Variants in ARHGEF12 observed in about 807,000 individuals in gnomAD.
ARHGEF12 encodes Rho guanine nucleotide exchange factor 12.
Under a neutral mutation model 211.2 loss-of-function variants are expected in ARHGEF12, and 66 were observed. That is an observed-to-expected ratio of 0.31 (90% CI 0.26 to 0.38). The LOEUF is 0.38. Ranked by LOEUF, ARHGEF12 falls within the 10% of genes least tolerant of loss-of-function variation. The pLI is 1.00. For missense variants in ARHGEF12, 1,429 were observed against 1,869.5 expected (o/e 0.76, Z 4.34); for synonymous variants, 592 against 638.4 (o/e 0.93, Z 1.09).
intron 23 of ARHGEF12, chr11:120,457,516 A>C (rs1189543071): frequency 3.8e-5 from 17 of 446,968 alleles, no homozygotes; most frequent in Non-Finnish European, 5.7e-5. Flanking sequence ...TGCATAAAAG[A>C]ACTAAAACAC....
intron 1 of ARHGEF12, among the ~76,000 whole-genome samples, chr11:120,360,502 C>T (rs1437442665): frequency 6.6e-6 from 1 of 152,166 alleles, no homozygotes. Context: ...TAGTGATCCT[C>T]CCACCTCAGC....
At chr11:120,390,736 G>T (rs1944187231) in intron 1 of ARHGEF12, among the ~76,000 whole-genome samples, 1 of 152,102 alleles carries the variant, frequency 6.6e-6, no homozygotes, top group Admixed American at 6.5e-5. Flanking sequence ...AGATGATAAT[G>T]GTTTCTCTTG....
At chr11:120,349,491 A>T (rs1942869467) in intron 1 of ARHGEF12, among the ~76,000 whole-genome samples, 1 of 152,010 alleles carries the variant, frequency 6.6e-6, no homozygotes, top group African/African-American at 2.4e-5. Context: ...TAGCCCTTGT[A>T]AGAGAGGAGC....
intron 1 of ARHGEF12, among the ~76,000 whole-genome samples, chr11:120,403,439 G>A (rs1283475620): frequency 6.6e-6 from 1 of 151,940 alleles, no homozygotes; most frequent in South Asian, 2.1e-4. Flanking sequence ...CCCGGGAGGT[G>A]GAGGTTACAG....
chr11:120,443,219 C>T (rs1039092399), intron 15 of ARHGEF12, among the ~76,000 whole-genome samples: 1 of 151,828 alleles, frequency 6.6e-6, no homozygotes, highest in Non-Finnish European at 1.5e-5. Flanking sequence ...GGGGTTTCGC[C>T]ATGTTGCCCA....
At chr11:120,340,683 T>C (rs1942507856) in intron 1 of ARHGEF12, among the ~76,000 whole-genome samples, 3 of 152,224 alleles carry the variant, frequency 2.0e-5, no homozygotes, top group Admixed American at 2.0e-4. Flanking sequence ...GGTGAAATTA[T>C]TTGTAACCTT....
intron 37 of ARHGEF12, among the ~76,000 whole-genome samples, chr11:120,479,191 A>T (rs76844672): frequency 2.0e-5 from 3 of 152,226 alleles, no homozygotes; most frequent in Non-Finnish European, 4.4e-5. Context: ...CATCAGAGCC[A>T]TGAGACTTCC....
chr11:120,451,252 C>T (rs1946203484), intron 21 of ARHGEF12: 1 of 309,770 alleles, frequency 3.2e-6, no homozygotes. Flanking sequence ...AATTTCGGCT[C>T]ACTGCAACCT....
intron 31 of ARHGEF12, 132 bp downstream of exon 31, chr11:120,473,259 A>T: frequency 1.3e-6 from 1 of 786,100 alleles, no homozygotes; most frequent in Non-Finnish European, 2.0e-6. Context: ...TGTATTTATG[A>T]TTTTTTTTGC....
rs547671518 is a variant in ARHGEF12 at position 120,428,404 on chromosome 11, G to A, written c.585+157G>A. The stretch of plus-strand genomic sequence containing the variant: ...AAAAATTACATAATAGGAATGATTA[G>A]AATATTGTCATAGCAGATTTAATTT... On this transcript the variant is annotated intron_variant, in intron 8 of 40. Coordinates refer to ENST00000397843, the MANE Select transcript of ARHGEF12 (RefSeq NM_015313.3). Among the ~76,000 whole-genome samples, 3 of 152,270 alleles carry A rather than the reference G, an allele frequency of 2.0e-5. No homozygotes were observed. The South Asian group carries it at 6.2e-4, about 32-fold the overall frequency.
At chr11:120,477,385 T>TA (rs1237515395) in intron 35 of ARHGEF12, 62 bp from the exon 36 acceptor site, 1 of 1,597,432 alleles carries the variant, frequency 6.3e-7, no homozygotes, top group Non-Finnish European at 8.6e-7. Context: ...TATGTTTTGT[T>TA]GCGATGATGT....
intron 1 of ARHGEF12, among the ~76,000 whole-genome samples, chr11:120,361,125 TTAAGCCCTTTTGTTCCAA>T (rs1943263119): frequency 6.6e-6 from 1 of 152,222 alleles, no homozygotes; most frequent in South Asian, 2.1e-4. Flanking sequence ...CTAATAAAAA[TTAAGCCCTTTTGTTCCAA>T]GAAGCCATCT....
chr11:120,390,261 G>A (rs533883516), intron 1 of ARHGEF12, among the ~76,000 whole-genome samples: 6 of 152,160 alleles, frequency 3.9e-5, no homozygotes, highest in African/African-American at 1.4e-4. Context: ...TAACAGATTT[G>A]GCAAGTATGT....
rs202121515 is a variant in ARHGEF12 at position 120,465,225 on chromosome 11, T to C, written c.2614-12T>C. 6.2e-7 allele frequency: 1 copy of C among 1,614,024 alleles called. No homozygotes were observed. The highest frequency in any genetic ancestry group is 8.5e-7 in the Non-Finnish European group (1 of 1,179,974). On this transcript the variant is annotated splice_polypyrimidine_tract_variant and intron_variant, in intron 27 of 40. Coordinates refer to ENST00000397843, the MANE Select transcript of ARHGEF12 (RefSeq NM_015313.3). Reference sequence around the variant, plus strand: ...CCCATTCTCTTTTGTGTTCTTTGCATTCTTGGCACAGTTCAGCGGACCAGG... The same window carrying C: ...CCCATTCTCTTTTGTGTTCTTTGCACTCTTGGCACAGTTCAGCGGACCAGG...
At chr11:120,410,930 T>C (rs1944864260) in intron 4 of ARHGEF12, 1 of 152,224 alleles carries the variant, frequency 6.6e-6, no homozygotes, top group Admixed American at 6.5e-5. Context: ...TCTATTCTTT[T>C]TCGGTAGCCT....
At chr11:120,358,107 C>T (rs899786297) in intron 1 of ARHGEF12, among the ~76,000 whole-genome samples, 1 of 151,716 alleles carries the variant, frequency 6.6e-6, no homozygotes, top group Non-Finnish European at 1.5e-5. Flanking sequence ...AGGCAGTAAG[C>T]GTTATGTTAT....
In ARHGEF12 at chr11:120,487,471, C is replaced by G. The variant is rs1235112463; in HGVS notation, c.*2394C>G. The G allele has an allele frequency of 1.8e-5, 4 of 217,366 alleles. No homozygotes were observed. Among genetic ancestry groups the G allele is most frequent in the African/African-American group, 9.0e-5 (4 of 44,462 alleles). 13.5% of individuals were successfully genotyped at this position (217,366 alleles called of 1,614,324 possible). A position where few individuals can be genotyped will look rare whatever the true frequency, so the allele number is the denominator to read the frequency against. ...TCTCTTTTCCCTCCCAACTTGGCCT[C>G]CCACACGTTCCATTTCATTTTGGCC... On this transcript the variant is annotated 3_prime_UTR_variant, in exon 41 of 41. Coordinates refer to ENST00000397843, the MANE Select transcript of ARHGEF12 (RefSeq NM_015313.3).
intron 4 of ARHGEF12, among the ~76,000 whole-genome samples, chr11:120,413,718 C>T (rs977139496): frequency 2.0e-5 from 3 of 152,158 alleles, no homozygotes; most frequent in Non-Finnish European, 4.4e-5. Flanking sequence ...ATGTCTGGCA[C>T]CAGTTTAAAA....
chr11:120,417,147 G>T (rs572097869), intron 4 of ARHGEF12, among the ~76,000 whole-genome samples: 2 of 152,116 alleles, frequency 1.3e-5, no homozygotes, highest in African/African-American at 4.8e-5. Context: ...TGCAAACATA[G>T]CAAACTCCTT....
Sources: allele counts gnomAD v4.1 joint callset (sites outside exome capture counted in the v4.1 genomes callset), GRCh38; gene constraint gnomAD v4.1.1; transcripts MANE v1.5; gene names NCBI Gene and HGNC (gene_info 2026-07-23, HGNC 2026-07-21).